TASP1: variants seen among roughly 807,000 people sequenced by gnomAD.
The protein encoded by TASP1 is threonine aspartase 1.
TASP1 carries 16 observed loss-of-function variants against 56.6 expected under a neutral mutation model. The ratio of observed to expected loss-of-function variants is 0.28; its 90% CI spans 0.19 to 0.43. The LOEUF (loss-of-function observed/expected upper bound fraction) is 0.43. Ranked by LOEUF, TASP1 falls within the 20% of genes least tolerant of loss-of-function variation. TASP1 has a pLI of 1.00. For synonymous variants in TASP1, 179 were observed against 184.2 expected (o/e 0.97, Z 0.23); for missense variants, 393 against 511.6 (o/e 0.77, Z 2.24).
At chr20:13,239,811 G>C in the TASP1 span, 19 of 152,182 alleles carry the variant, frequency 1.2e-4, no homozygotes, top group Non-Finnish European at 1.5e-5. Context: ...AAAAGATTTG[G>C]CTAAGACCAT....
chr20:13,372,796 G>T, the TASP1 span, among the ~76,000 whole-genome samples: 1 of 150,882 alleles, frequency 6.6e-6, no homozygotes, highest in African/African-American at 2.4e-5. Flanking sequence ...TATTTAGTTT[G>T]TTTTCTCTCA....
At chr20:13,494,933 G>C (rs573249987) in intron 10 of TASP1, among the ~76,000 whole-genome samples, 48 of 151,374 alleles carry the variant, frequency 3.2e-4, no homozygotes, top group African/African-American at 9.2e-4. Context: ...CTAAGCCATG[G>C]TGTGCATTTC....
At chr20:13,302,696 C>T in the TASP1 span, among the ~76,000 whole-genome samples, 1 of 152,148 alleles carries the variant, frequency 6.6e-6, no homozygotes, top group Non-Finnish European at 1.5e-5. Flanking sequence ...AGTAGCTGCT[C>T]AAATTTTTCT....
intron 1 of TASP1, among the ~76,000 whole-genome samples, chr20:13,631,098 G>C (rs1037202647): frequency 6.6e-6 from 1 of 152,000 alleles, no homozygotes; most frequent in African/African-American, 2.4e-5. Context: ...TTTGAAAGCT[G>C]GTCTTTTATA....
At chr20:13,261,681 A>G in the TASP1 span, among the ~76,000 whole-genome samples, 12,111 of 152,238 alleles carry the variant, frequency 0.08, 497 homozygotes, top group East Asian at 0.18. Flanking sequence ...TTAACGTCCA[A>G]TGACCTTTGA....
the TASP1 span, among the ~76,000 whole-genome samples, chr20:13,197,994 T>C: frequency 1.3e-5 from 2 of 152,200 alleles, no homozygotes; most frequent in African/African-American, 4.8e-5. Context: ...CAGAAATTAC[T>C]TGTAAGAATA....
At chr20:13,542,040 G>A (rs572020057) in intron 8 of TASP1, among the ~76,000 whole-genome samples, 195 of 138,200 alleles carry the variant, frequency 1.4e-3, no homozygotes, top group African/African-American at 5.0e-3. Flanking sequence ...GCAAGACTCC[G>A]TCTCCAAAAA....
chr20:13,192,943 A>C, the TASP1 span, among the ~76,000 whole-genome samples: 3 of 152,196 alleles, frequency 2.0e-5, no homozygotes, highest in African/African-American at 7.2e-5. Context: ...CAGCAATGTC[A>C]CAAGGTACAG....
intron 13 of TASP1, among the ~76,000 whole-genome samples, chr20:13,393,908 T>G (rs1203121872): frequency 6.6e-6 from 1 of 151,982 alleles, no homozygotes; most frequent in East Asian, 1.9e-4. Context: ...GGAAAAGAAT[T>G]TTAAGTGTTT....
the TASP1 span, among the ~76,000 whole-genome samples, chr20:13,115,411 G>A: frequency 6.6e-6 from 1 of 152,138 alleles, no homozygotes; most frequent in Admixed American, 6.6e-5. Context: ...ACATCAGCTA[G>A]ACCAGCCCCA....
intron 4 of TASP1, chr20:13,614,889 A>T (rs1568653198): frequency 2.2e-6 from 1 of 458,576 alleles, no homozygotes; most frequent in Admixed American, 2.5e-5. Flanking sequence ...TAAAACAGAA[A>T]AGACAAATGT....
chr20:13,306,304 G>T, the TASP1 span, among the ~76,000 whole-genome samples: 1 of 152,114 alleles, frequency 6.6e-6, no homozygotes, highest in South Asian at 2.1e-4. Flanking sequence ...TTTCACAAAG[G>T]TCATAGCTAA....
the TASP1 span, among the ~76,000 whole-genome samples, chr20:13,357,992 G>C: frequency 1.2e-4 from 18 of 152,176 alleles, no homozygotes; most frequent in African/African-American, 4.1e-4. Flanking sequence ...AGGCCCTGCC[G>C]CACCTTAACT....
intron 10 of TASP1, among the ~76,000 whole-genome samples, chr20:13,512,391 G>GCAT (rs2044368309): frequency 6.6e-6 from 1 of 152,160 alleles, no homozygotes; most frequent in African/African-American, 2.4e-5. Context: ...TCTGTTGGCT[G>GCAT]CATAAATGTC....
intron 10 of TASP1, among the ~76,000 whole-genome samples, chr20:13,496,212 C>T (rs56095149): frequency 0.033 from 4,957 of 152,144 alleles, 265 homozygotes; most frequent in African/African-American, 0.11. Flanking sequence ...TGCCACCACA[C>T]CTGGTTAATT....
the TASP1 span, among the ~76,000 whole-genome samples, chr20:13,114,386 C>A: frequency 1.3e-5 from 2 of 152,182 alleles, no homozygotes; most frequent in South Asian, 4.1e-4. Context: ...GGTTGAGAAT[C>A]TCAAAATTAT....
chr20:13,228,192 C>G, the TASP1 span, among the ~76,000 whole-genome samples: 3 of 151,860 alleles, frequency 2.0e-5, no homozygotes, highest in Non-Finnish European at 4.4e-5. Flanking sequence ...AGGCTGGTCT[C>G]GAACTCTTCA....
intron 6 of TASP1, among the ~76,000 whole-genome samples, chr20:13,579,361 C>G (rs1473193353): frequency 6.6e-6 from 1 of 151,960 alleles, no homozygotes; most frequent in Non-Finnish European, 1.5e-5. Context: ...ATTAGAGAAG[C>G]AAGTGTAAGA....
intron 10 of TASP1, among the ~76,000 whole-genome samples, chr20:13,517,623 CA>C (rs2044589671): frequency 6.6e-6 from 1 of 152,028 alleles, no homozygotes; most frequent in Non-Finnish European, 1.5e-5. Context: ...AAAATCTACT[CA>C]TTTAAAATCT....
Sources: allele counts gnomAD v4.1 joint callset (sites outside exome capture counted in the v4.1 genomes callset), GRCh38; gene constraint gnomAD v4.1.1; transcripts MANE v1.5; gene names NCBI Gene and HGNC (gene_info 2026-07-23, HGNC 2026-07-21).